The following POLQ variants were observed in gnomAD, a reference collection of about 807,000 sequenced individuals.
The protein encoded by POLQ is DNA polymerase theta.
A neutral mutation model predicts 259.2 loss-of-function variants in POLQ; 233 were observed. That is an observed-to-expected ratio of 0.90 (90% CI 0.81 to 1.00). The LOEUF (loss-of-function observed/expected upper bound fraction) is 1.00. Among genes scored for constraint, POLQ ranks in the 50% least tolerant of loss-of-function variants. The pLI, the probability that POLQ is intolerant of heterozygous loss-of-function variation, is 0.00. For missense variants in POLQ, 2,871 were observed against 3,051.6 expected (o/e 0.94, Z 1.39); for synonymous variants, 1,025 against 1,048.8 (o/e 0.98, Z 0.44).
At chr3:121,486,889 G>A (rs1409256330) in intron 16 of POLQ, among the ~76,000 whole-genome samples, 1 of 90,690 alleles carries the variant, frequency 1.1e-5, no homozygotes, top group African/African-American at 4.1e-5. Context: ...GAAAGAAAGA[G>A]AGACAGAGAG....
chr3:121,500,591 TAA>T (rs1435786121), intron 12 of POLQ, among the ~76,000 whole-genome samples: 5 of 152,138 alleles, frequency 3.3e-5, no homozygotes, highest in African/African-American at 1.2e-4. Flanking sequence ...TGGGAAACAT[TAA>T]GTGTACCAAC....
chr3:121,504,784 AGTT>A, intron 12 of POLQ, among the ~76,000 whole-genome samples: 1 of 152,314 alleles, frequency 6.6e-6, no homozygotes, highest in East Asian at 1.9e-4. Flanking sequence ...TAACTAACTT[AGTT>A]TTTTTATTTC....
rs750540243 is a variant in POLQ at position 121,533,141 on chromosome 3, T to A, written c.809A>T (p.Asn270Ile). ...QIVGMSATLPNLELVASWLNA... is the reference protein window; with the variant it reads ...QIVGMSATLPILELVASWLNA... ...CAACCAGGAAGCCACAAGCTCCAAATTAGGAAGGGTAGCACTCATGCCAAC... is the reference window on the plus strand; with the variant it reads ...CAACCAGGAAGCCACAAGCTCCAAAATAGGAAGGGTAGCACTCATGCCAAC... The change falls in exon 6 of 30, where the codon AAT (asparagine) becomes ATT (isoleucine). Residue 270 changes from asparagine (N) to isoleucine (I), a missense_variant. By Grantham distance (149) the Asn-to-Ile change is moderately radical. Coordinates refer to ENST00000264233, the MANE Select transcript of POLQ (RefSeq NM_199420.4). 6.2e-7 allele frequency: 1 copy of A among 1,613,838 alleles called. No homozygotes were observed.
chr3:121,538,651 T>C (rs1424242908), intron 4 of POLQ, among the ~76,000 whole-genome samples: 3 of 150,096 alleles, frequency 2.0e-5, no homozygotes, highest in African/African-American at 7.4e-5. Flanking sequence ...ACATTGGAAA[T>C]AGCACTTACT....
intron 26 of POLQ, among the ~76,000 whole-genome samples, chr3:121,447,457 C>T (rs569960300): frequency 7.0e-4 from 106 of 152,268 alleles, no homozygotes; most frequent in Middle Eastern, 3.4e-3. Context: ...CCCACCGCGC[C>T]TGGCCCACTT....
Position 121,519,967 on chromosome 3 carries a change from T to G in POLQ, c.1372A>C (p.Ile458Leu). Residue 458 changes from isoleucine (I) to leucine (L), a missense_variant, in exon 9 of 30, where the codon ATT (isoleucine) becomes CTT (leucine). This residue lies in a region of POLQ where 783 missense variants were observed against 906.2 expected (regional missense o/e 0.86). Transcript: ENST00000264233. ...SGVNLPARRV[I>L]IRTPIFGGRP... ...CCACCAAAAATAGGGGTTCGAATAA[T>G]CACACGACGTGCAGGTAAATTCACC... is the stretch of plus-strand genomic sequence containing the variant. The G allele has an allele frequency of 6.2e-7, 1 of 1,612,298 alleles. No homozygotes were observed. The highest frequency in any genetic ancestry group is 8.5e-7 in the Non-Finnish European group (1 of 1,178,432).
rs1451315164 is a variant in POLQ, at chr3:121,488,988, G to C, written c.3943C>G (p.Leu1315Val). Reference protein sequence around the residue: ...NNHVSDLGLVLCDFEDSFYLD... With the variant: ...NNHVSDLGLVVCDFEDSFYLD... ...TAGAAACTATCTTCAAAATCACAGAGGACTAAACCTAAGTCAGAAACATGA... is the reference window on the plus strand; with the variant it reads ...TAGAAACTATCTTCAAAATCACAGACGACTAAACCTAAGTCAGAAACATGA... The change falls in exon 16 of 30, where the codon CTC becomes GTC. Residue 1315 changes from leucine to valine, a missense_variant. This residue lies in a region of POLQ where 2,080 missense variants were observed against 2,126.0 expected (regional missense o/e 0.98). Transcript: ENST00000264233. The C allele has an allele frequency of 6.2e-7, 1 of 1,613,080 alleles. No homozygotes were observed.
In POLQ at chr3:121,488,040, A is replaced by G. The variant is rs1188457440; in HGVS notation, c.4891T>C (p.Trp1631Arg). The change falls in exon 16 of 30, where the codon TGG becomes CGG. Residue 1631 changes from tryptophan (W) to arginine (R), a missense_variant. By Grantham distance (101) the Trp-to-Arg change is moderately radical. This residue lies in a region of POLQ where 2,080 missense variants were observed against 2,126.0 expected (regional missense o/e 0.98). Coordinates refer to ENST00000264233, the MANE Select transcript of POLQ (RefSeq NM_199420.4). Reference sequence around the variant, plus strand: ...CTTAGATCAAATGATGCCCCTGACCATATGAATGAATGATTTTGCCTGGTC... The same window carrying G: ...CTTAGATCAAATGATGCCCCTGACCGTATGAATGAATGATTTTGCCTGGTC... ...TGTRQNHSFI[W>R]SGASFDLSPG... 2 of 1,613,988 alleles carry G rather than the reference A, an allele frequency of 1.2e-6. No homozygotes were observed. The highest frequency in any genetic ancestry group is 1.1e-5 in the South Asian group (1 of 91,072).
At chr3:121,518,275 G>A (rs76749251) in intron 9 of POLQ, among the ~76,000 whole-genome samples, 3,185 of 152,144 alleles carry the variant, frequency 0.021, 108 homozygotes, top group African/African-American at 0.072. Flanking sequence ...AAGGCACTAG[G>A]GAACATTAGA....
chr3:121,512,168 ATT>A, intron 9 of POLQ, 139 bp from the exon 10 acceptor site: 1 of 682,034 alleles, frequency 1.5e-6, no homozygotes, highest in African/African-American at 1.8e-5. Context: ...AATTATGGCT[ATT>A]TTTTGAACTT....
At chr3:121,455,945 T>C (rs912761920) in intron 25 of POLQ, among the ~76,000 whole-genome samples, 1 of 152,016 alleles carries the variant, frequency 6.6e-6, no homozygotes, top group Non-Finnish European at 1.5e-5. Context: ...AGAATTTTAG[T>C]CCAAAGTCCT....
intron 12 of POLQ, among the ~76,000 whole-genome samples, chr3:121,505,118 A>G (rs1479772378): frequency 6.6e-6 from 1 of 152,058 alleles, no homozygotes; most frequent in Non-Finnish European, 1.5e-5. Flanking sequence ...AGTTCTCGTG[A>G]GATCTGGTTG....
chr3:121,468,174 G>A (rs1455637668), intron 23 of POLQ, 131 bp downstream of exon 23: 18 of 659,704 alleles, frequency 2.7e-5, no homozygotes, highest in African/African-American at 3.7e-5. Context: ...GATTCAAAAC[G>A]GTCTAGGACA....
chr3:121,484,900 C>A (rs552696968), intron 17 of POLQ, 141 bp downstream of exon 17: 10 of 665,244 alleles, frequency 1.5e-5, no homozygotes, highest in South Asian at 1.0e-4. Context: ...CATTCTGTCT[C>A]AAAAAACAAA....
intron 17 of POLQ, among the ~76,000 whole-genome samples, chr3:121,484,415 C>T (rs1001350156): frequency 3.3e-5 from 5 of 152,144 alleles, no homozygotes; most frequent in Non-Finnish European, 2.9e-5. Flanking sequence ...AAATAAACTG[C>T]CATCGTTTAG....
At chr3:121,448,616 C>T (rs888930027) in intron 26 of POLQ, among the ~76,000 whole-genome samples, 11 of 152,168 alleles carry the variant, frequency 7.2e-5, no homozygotes, top group African/African-American at 2.4e-4. Flanking sequence ...CTGTCCACCT[C>T]AGCCTCCCAA....
At chr3:121,474,773 T>C (rs1268473304) in intron 20 of POLQ, among the ~76,000 whole-genome samples, 1 of 152,210 alleles carries the variant, frequency 6.6e-6, no homozygotes, top group Admixed American at 6.5e-5. Context: ...TATGCATGTA[T>C]AGGGATTAGG....
chr3:121,526,871 C>CTATA (rs144360614), intron 7 of POLQ, among the ~76,000 whole-genome samples: 69,614 of 145,168 alleles, frequency 0.48, 16,616 homozygotes, highest in East Asian at 0.73. Context: ...GTGTGTGTCT[C>CTATA]TGTATGTGTG....
chr3:121,537,159 C>A lies in POLQ; in HGVS notation c.681G>T (p.Gly227=). 1 of 1,608,086 alleles carries A rather than the reference C, an allele frequency of 6.2e-7. No individual in the cohort carries two copies. The highest frequency in any genetic ancestry group is 8.5e-7 in the Non-Finnish European group (1 of 1,174,726). The change falls in exon 5 of 30, where the codon GGG becomes GGT. Residue 227 remains glycine, a synonymous_variant. Coordinates refer to ENST00000264233, the MANE Select transcript of POLQ (RefSeq NM_199420.4). ...TGGTCAGCAAAAGTTCCAGCAGATA[C>A]CCTCGGTGAGAGTCTCCCAGCATAT... ...ELHMLGDSHR[G]YLLELLLTKI... is the part of the protein sequence containing the mutation.
Sources: allele counts gnomAD v4.1 joint callset (sites outside exome capture counted in the v4.1 genomes callset), GRCh38; gene constraint gnomAD v4.1.1; regional missense constraint gnomAD v4.1.1; transcripts MANE v1.5; gene names NCBI Gene and HGNC (gene_info 2026-07-23, HGNC 2026-07-21).